TENM3: variants seen among roughly 807,000 people sequenced by gnomAD.
The protein encoded by TENM3 is teneurin-3.
In TENM3, 63 loss-of-function variants were observed where a neutral mutation model predicts 255.1. The observed-to-expected ratio is 0.25, with a 90% confidence interval of 0.20 to 0.30. The LOEUF is 0.30. Ranked by LOEUF, TENM3 falls within the 10% of genes least tolerant of loss-of-function variation. TENM3 has a pLI of 1.00. For synonymous variants in TENM3, 1,306 were observed against 1,322.3 expected, an observed-to-expected ratio of 0.99 and a Z score of 0.27; for missense variants, 2,929 against 3,461.1, an observed-to-expected ratio of 0.85 and a Z score of 3.86.
In TENM3 at chr4:182,710,561, A is replaced by G. The variant is rs141365174; in HGVS notation, c.2222-3526A>G. 8.5e-5 allele frequency among the ~76,000 whole-genome samples: 13 copies of G among 152,352 alleles called. No individual in the cohort carries two copies. The East Asian group carries it at 1.4e-3, about 16-fold the overall frequency. On this transcript the variant is annotated intron_variant, in intron 12 of 27. Coordinates refer to ENST00000511685, the MANE Select transcript of TENM3 (RefSeq NM_001080477.4). Reference sequence around the variant, plus strand: ...GTGGCAAAGTGAAGAATCCTTTTACATACACAGTACAGATGTATCAAAACC... The same window carrying G: ...GTGGCAAAGTGAAGAATCCTTTTACGTACACAGTACAGATGTATCAAAACC...
chr4:181,451,079 G>A, the TENM3 span, among the ~76,000 whole-genome samples: 2 of 152,128 alleles, frequency 1.3e-5, no homozygotes, highest in Non-Finnish European at 2.9e-5. Flanking sequence ...TTTTACCTGA[G>A]TTTACATGTA....
intron 1 of TENM3, among the ~76,000 whole-genome samples, chr4:182,255,171 G>C (rs1413244576): frequency 5.3e-5 from 8 of 152,136 alleles, no homozygotes; most frequent in Non-Finnish European, 1.2e-4. Flanking sequence ...AGCCCTGTGG[G>C]ACCCTGTTGC....
intron 6 of TENM3, among the ~76,000 whole-genome samples, chr4:182,668,154 G>A (rs929533062): frequency 5.3e-5 from 8 of 152,034 alleles, no homozygotes; most frequent in South Asian, 2.1e-4. Flanking sequence ...AGGGAAAGTC[G>A]CTGAAGCCCT....
At chr4:181,919,771 T>C in the TENM3 span, among the ~76,000 whole-genome samples, 2 of 151,942 alleles carry the variant, frequency 1.3e-5, no homozygotes, top group Non-Finnish European at 2.9e-5. Context: ...TTAGGGTACA[T>C]GTGCACAATG....
intron 3 of TENM3, among the ~76,000 whole-genome samples, chr4:182,436,969 A>G (rs1007802929): frequency 6.6e-6 from 1 of 150,924 alleles, no homozygotes; most frequent in Non-Finnish European, 1.5e-5. Context: ...CGGAGGTTAC[A>G]GTGAGCCAAG....
upstream of TENM3, among the ~76,000 whole-genome samples, chr4:182,239,031 T>TTGTG (rs199507110): frequency 1.5e-3 from 163 of 110,452 alleles, no homozygotes; most frequent in East Asian, 5.3e-3. Flanking sequence ...TTAAAAATCT[T>TTGTG]TATGTGTGTG....
chr4:182,012,502 A>C, the TENM3 span, among the ~76,000 whole-genome samples: 1 of 152,214 alleles, frequency 6.6e-6, no homozygotes, highest in Non-Finnish European at 1.5e-5. Flanking sequence ...CCTGCCATGG[A>C]TACCAGGCAT....
At chr4:181,880,380 A>C in the TENM3 span, among the ~76,000 whole-genome samples, 2 of 152,248 alleles carry the variant, frequency 1.3e-5, no homozygotes, top group African/African-American at 2.4e-5. Context: ...CATGCAAATA[A>C]TAAATATGCA....
the TENM3 span, among the ~76,000 whole-genome samples, chr4:181,860,823 C>T: frequency 6.6e-6 from 1 of 152,050 alleles, no homozygotes; most frequent in Non-Finnish European, 1.5e-5. Flanking sequence ...GAGTCATTTG[C>T]AGACTTTTGG....
the TENM3 span, among the ~76,000 whole-genome samples, chr4:181,726,826 G>A: frequency 6.6e-6 from 1 of 152,188 alleles, no homozygotes; most frequent in East Asian, 1.9e-4. Flanking sequence ...GCCCCAGGTT[G>A]TTCTACCTGC....
Position 182,324,008 on chromosome 4 carries a change from GA to G in TENM3, c.-11del, listed in dbSNP as rs751861253. 2 of 1,610,386 alleles carry G rather than the reference GA, an allele frequency of 1.2e-6. No homozygotes were observed. The highest frequency in any genetic ancestry group is 2.2e-5 in the South Asian group (2 of 90,516). On this transcript the variant is annotated 5_prime_UTR_variant, in exon 2 of 28. An upstream open reading frame in the 5' UTR loses its in-frame stop. Transcript: ENST00000511685. ...CACCAGCAGGACTGATGTGCACACA[GA>G]AGGAATGAAGTATGGATGTGAAAGA...
chr4:182,215,253 G>C (rs1440052314), intron 1 of TENM3, among the ~76,000 whole-genome samples: 1 of 152,186 alleles, frequency 6.6e-6, no homozygotes, highest in Admixed American at 6.5e-5. Flanking sequence ...TAAAGGAAAA[G>C]TGTTGTGCAA....
At chr4:182,622,703 C>T (rs1404091635) in intron 4 of TENM3, among the ~76,000 whole-genome samples, 1 of 152,146 alleles carries the variant, frequency 6.6e-6, no homozygotes, top group East Asian at 1.9e-4. Flanking sequence ...CCTTTATTAG[C>T]TGTGGCTTCT....
At chr4:181,608,369 G>C in the TENM3 span, among the ~76,000 whole-genome samples, 1 of 152,208 alleles carries the variant, frequency 6.6e-6, no homozygotes, top group African/African-American at 2.4e-5. Context: ...CAGGAGACCA[G>C]ATGGTCGTGC....
intron 1 of TENM3, among the ~76,000 whole-genome samples, chr4:182,296,367 C>T (rs899391630): frequency 1.3e-5 from 2 of 152,146 alleles, no homozygotes; most frequent in East Asian, 1.9e-4. Context: ...TTCTTGATAA[C>T]GATACAAAGT....
intron 3 of TENM3, among the ~76,000 whole-genome samples, chr4:182,419,764 G>C (rs567738770): frequency 6.6e-6 from 1 of 151,432 alleles, no homozygotes; most frequent in Non-Finnish European, 1.5e-5. Flanking sequence ...GCAAACTATC[G>C]CAAGGACAGA....
chr4:182,794,712 G>GC (rs1389138026), intron 26 of TENM3, among the ~76,000 whole-genome samples: 1 of 152,184 alleles, frequency 6.6e-6, no homozygotes, highest in Non-Finnish European at 1.5e-5. Flanking sequence ...TTTTAGTTAT[G>GC]CAAGATGTAG....
chr4:181,665,024 A>AG, the TENM3 span, among the ~76,000 whole-genome samples: 24 of 152,288 alleles, frequency 1.6e-4, no homozygotes, highest in South Asian at 1.7e-3. Context: ...CAACTTTATT[A>AG]GGGGGGTGCC....
the TENM3 span, among the ~76,000 whole-genome samples, chr4:181,570,362 G>A: frequency 4.6e-5 from 7 of 152,036 alleles, no homozygotes; most frequent in African/African-American, 1.2e-4. Context: ...GTATCCAGGC[G>A]TGGTGGTGCA....
Sources: allele counts gnomAD v4.1 joint callset (sites outside exome capture counted in the v4.1 genomes callset), GRCh38; gene constraint gnomAD v4.1.1; transcripts MANE v1.5; gene names NCBI Gene and HGNC (gene_info 2026-07-23, HGNC 2026-07-21).